CYB5R4: variants seen among roughly 807,000 people sequenced by gnomAD.
CYB5R4 encodes N-terminal cytochrome b5 and cytochrome b5 oxidoreductase domain-containing protein.
In CYB5R4, 55 loss-of-function variants were observed where a neutral mutation model predicts 70.2. The observed-to-expected ratio is 0.78, with a 90% confidence interval of 0.63 to 0.98. The LOEUF (loss-of-function observed/expected upper bound fraction) is 0.98. Among genes scored for constraint, CYB5R4 ranks in the 50% least tolerant of loss-of-function variants. CYB5R4 has a pLI of 0.00. For synonymous variants in CYB5R4, 197 were observed against 199.5 expected, an observed-to-expected ratio of 0.99 and a Z score of 0.11; for missense variants, 562 against 612.6, an observed-to-expected ratio of 0.92 and a Z score of 0.87.
chr6:83,931,405 A>G (rs61756889), intron 10 of CYB5R4, among the ~76,000 whole-genome samples: 1,946 of 152,334 alleles, frequency 0.013, 16 homozygotes, highest in Non-Finnish European at 0.022. Flanking sequence ...CTCCTAGTGC[A>G]GTCTTCTCTT....
chr6:83,924,362 C>A, intron 9 of CYB5R4, 108 bp from the exon 10 acceptor site: 1 of 1,069,870 alleles, frequency 9.3e-7, no homozygotes, highest in Non-Finnish European at 1.3e-6. Flanking sequence ...ATAATCAGTA[C>A]CATTCATATT....
intron 2 of CYB5R4, among the ~76,000 whole-genome samples, chr6:83,866,608 A>G (rs1216488122): frequency 6.6e-6 from 1 of 150,888 alleles, no homozygotes; most frequent in Non-Finnish European, 1.5e-5. Flanking sequence ...TGAATTAATC[A>G]TGGTTTGTTT....
chr6:83,882,207 G>A (rs2099459562), intron 2 of CYB5R4, among the ~76,000 whole-genome samples: 1 of 152,184 alleles, frequency 6.6e-6, no homozygotes, highest in African/African-American at 2.4e-5. Context: ...TTGAGGTTAT[G>A]TGTGTGTGTT....
intron 2 of CYB5R4, among the ~76,000 whole-genome samples, chr6:83,866,228 A>T (rs2099456708): frequency 6.6e-6 from 1 of 152,204 alleles, no homozygotes; most frequent in African/African-American, 2.4e-5. Flanking sequence ...TTATTAGAAT[A>T]CAGTTAGACT....
In CYB5R4 at chr6:83,860,600, G is replaced by T. The variant is rs58072243; in HGVS notation, c.75+743G>T. On this transcript the variant is annotated intron_variant, in intron 1 of 15. Coordinates refer to ENST00000369681, the MANE Select transcript of CYB5R4 (RefSeq NM_016230.4). The stretch of plus-strand genomic sequence containing the variant: ...TTGCGAATGTTGTTTGTTCCTATTT[G>T]TTAGTTCCTCATTCTGTAACCATAT... 4.4e-3 allele frequency among the ~76,000 whole-genome samples: 666 copies of T among 152,238 alleles called. 7 individuals are homozygous for T. The highest frequency in any genetic ancestry group is 0.015 in the African/African-American group (633 of 41,552).
At chr6:83,906,263 G>C (rs2099463765) in intron 3 of CYB5R4, among the ~76,000 whole-genome samples, 1 of 152,224 alleles carries the variant, frequency 6.6e-6, no homozygotes, top group African/African-American at 2.4e-5. Context: ...GTAGCTGGCA[G>C]TTCCTTGAAC....
chr6:83,960,984 A>G lies in CYB5R4; in HGVS notation c.*1106A>G, dbSNP rs77639159. ...AAGCTAACTAGGATTTTTCAGTCTT[A>G]GTACAGCTGCAATGTTTTCACAGAA... On this transcript the variant is annotated 3_prime_UTR_variant, in exon 16 of 16. Transcript: ENST00000369681. 6.6e-6 allele frequency: 1 copy of G among 152,236 alleles called. No individual in the cohort carries two copies. Among genetic ancestry groups the G allele is most frequent in the African/African-American group, 2.4e-5 (1 of 41,468 alleles). The allele number at this position is 152,236 out of a possible 1,614,324, so 9.4% of individuals were successfully genotyped here. A position where few individuals can be genotyped will look rare whatever the true frequency, so the allele number is the denominator to read the frequency against.
At position 83,883,821 on chromosome 6, in the gene CYB5R4, A is replaced by G. The variant is rs1257834246; in HGVS notation, c.230-9701A>G. The stretch of plus-strand genomic sequence containing the variant: ...AGTTATAACATTGTATTGTGGAGTT[A>G]AAGGATAGGAGTTAGAGAGCAGTAA... On this transcript the variant is annotated intron_variant, in intron 2 of 15. Transcript: ENST00000369681. Among the ~76,000 whole-genome samples, 7 of 152,258 alleles carry G rather than the reference A, an allele frequency of 4.6e-5. No homozygotes were observed. In the East Asian group the frequency reaches 1.3e-3, roughly 29 times the overall value.
chr6:83,959,994 G>A lies in CYB5R4; in HGVS notation c.*116G>A. 1.3e-6 allele frequency: 1 copy of A among 747,298 alleles called. No individual in the cohort carries two copies. Among genetic ancestry groups the A allele is most frequent in the Non-Finnish European group, 2.0e-6 (1 of 491,794 alleles). The allele number at this position is 747,298 out of a possible 1,614,324, so 46.3% of individuals were successfully genotyped here. Reference sequence around the variant, plus strand: ...AAGGTTAACTAGAATCCAGCCTTCAGTTTCTTAAATGAAATCAAATGTTCC... The same window carrying A: ...AAGGTTAACTAGAATCCAGCCTTCAATTTCTTAAATGAAATCAAATGTTCC... On this transcript the variant is annotated 3_prime_UTR_variant, in exon 16 of 16. Coordinates refer to ENST00000369681, the MANE Select transcript of CYB5R4 (RefSeq NM_016230.4).
rs561998572 is a variant in CYB5R4, at chr6:83,946,774, A to G, written c.1346+6173A>G. On this transcript the variant is annotated intron_variant, in intron 14 of 15. Coordinates refer to ENST00000369681, the MANE Select transcript of CYB5R4 (RefSeq NM_016230.4). ...AAGTCACAAGCATTCCTATACACCAATAATAGAGAGCGAAATCATGAGTGA... is the reference window on the plus strand; with the variant it reads ...AAGTCACAAGCATTCCTATACACCAGTAATAGAGAGCGAAATCATGAGTGA... 3.2e-3 allele frequency among the ~76,000 whole-genome samples: 479 copies of G among 151,772 alleles called. 2 individuals are homozygous for G. The highest frequency in any genetic ancestry group is 3.4e-3 in the Middle Eastern group (1 of 294).
intron 12 of CYB5R4, among the ~76,000 whole-genome samples, chr6:83,938,855 G>A (rs1366372740): frequency 6.7e-6 from 1 of 149,260 alleles, no homozygotes; most frequent in African/African-American, 2.5e-5. Context: ...TTTTGAGATG[G>A]AGTTTTGCTC....
At position 83,935,007 on chromosome 6, in the gene CYB5R4, A is replaced by G. The variant is rs117120474; in HGVS notation, c.955+272A>G. On this transcript the variant is annotated intron_variant, in intron 11 of 15. Coordinates refer to ENST00000369681, the MANE Select transcript of CYB5R4 (RefSeq NM_016230.4). ...TGTAATTTATTACTAACAAAACCCT[A>G]AAGGAAAGAGATGAGAGACTGCACA... Among the ~76,000 whole-genome samples, 16 of 152,256 alleles carry G rather than the reference A, an allele frequency of 1.1e-4. No individual in the cohort carries two copies. In the East Asian group the frequency reaches 2.3e-3, roughly 22 times the overall value.
intron 2 of CYB5R4, among the ~76,000 whole-genome samples, chr6:83,887,504 A>G (rs893731695): frequency 1.3e-5 from 2 of 152,268 alleles, no homozygotes; most frequent in African/African-American, 4.8e-5. Flanking sequence ...TGCCTAGAGA[A>G]ACTCAGTGTA....
chr6:83,942,854 C>G (rs1008589055), intron 14 of CYB5R4, among the ~76,000 whole-genome samples: 4 of 152,068 alleles, frequency 2.6e-5, no homozygotes, highest in African/African-American at 9.7e-5. Context: ...CTGGGAAGTT[C>G]GGACTAAGCA....
chr6:83,934,561 A>G lies in CYB5R4; in HGVS notation c.815-34A>G, dbSNP rs769760203. On this transcript the variant is annotated intron_variant, in intron 10 of 15. Transcript: ENST00000369681. ...GTTTAGTATTACTTCTTATTACTTT[A>G]TGTATCAATAAGAGAAAATGAATCA... The G allele has an allele frequency of 2.0e-6, 3 of 1,505,590 alleles. No individual in the cohort carries two copies. The African/African-American group carries it at 4.2e-5, about 21-fold the overall frequency. 93.3% of individuals were successfully genotyped at this position (1,505,590 alleles called of 1,614,324 possible).
chr6:83,866,272 G>A (rs1268172157), intron 2 of CYB5R4, among the ~76,000 whole-genome samples: 1 of 152,088 alleles, frequency 6.6e-6, no homozygotes, highest in Admixed American at 6.5e-5. Context: ...TGGGGACAAG[G>A]GACTGGATTG....
chr6:83,927,407 T>C (rs2099467471), intron 10 of CYB5R4, among the ~76,000 whole-genome samples: 1 of 152,188 alleles, frequency 6.6e-6, no homozygotes, highest in Admixed American at 6.5e-5. Flanking sequence ...CCCACAAGAC[T>C]GCCCCCTACT....
intron 14 of CYB5R4, among the ~76,000 whole-genome samples, chr6:83,944,978 A>C (rs1406211852): frequency 2.6e-5 from 4 of 152,160 alleles, no homozygotes; most frequent in African/African-American, 9.7e-5. Flanking sequence ...TAATAGTGGG[A>C]GACTTTAACA....
At chr6:83,876,423 T>C (rs546355375) in intron 2 of CYB5R4, among the ~76,000 whole-genome samples, 98 of 152,164 alleles carry the variant, frequency 6.4e-4, no homozygotes, top group African/African-American at 1.9e-3. Flanking sequence ...CCTGGATTCA[T>C]CCATTGTTGA....
Sources: gnomAD v4.1 joint callset for allele counts (sites outside exome capture counted in the v4.1 genomes callset) on GRCh38, gnomAD v4.1.1 for gene constraint, MANE v1.5 for transcripts, NCBI Gene and HGNC (gene_info 2026-07-23, HGNC 2026-07-21) for gene names.